The following ANKRD11 variants were observed in gnomAD, a reference collection of about 807,000 sequenced individuals.
The protein encoded by ANKRD11 is ankyrin repeat domain 11, also known as ankyrin repeat domain-containing protein 11.
Under a neutral mutation model 195.7 loss-of-function variants are expected in ANKRD11, and 17 were observed. The observed-to-expected ratio is 0.09, with a 90% CI of 0.06 to 0.13. ANKRD11 has a LOEUF of 0.13. Among genes scored for constraint, ANKRD11 ranks in the 10% least tolerant of loss-of-function variants. ANKRD11 has a pLI of 1.00. For missense variants in ANKRD11, 3,735 were observed against 3,566.1 expected (o/e 1.05, Z -1.21); for synonymous variants, 1,953 against 1,528.1 (o/e 1.28, Z -6.49).
rs146752319 is a variant in ANKRD11 at position 89,358,240 on chromosome 16, C to T, written c.-59-41162G>A. ...CTCACTCTGGCATCAGCACTGGTCC[C>T]GCATGGAGCTGTGCCGGCTTGCAGA... On this transcript the variant is annotated intron_variant, in intron 2 of 12. Coordinates refer to ENST00000301030, the MANE Select transcript of ANKRD11 (RefSeq NM_013275.6). 5.1e-3 allele frequency among the ~76,000 whole-genome samples: 776 copies of T among 152,330 alleles called. 5 individuals carry two copies. Among genetic ancestry groups the T allele is most frequent in the African/African-American group, 0.018 (751 of 41,568 alleles).
chr16:89,441,959 C>T (rs573587736), intron 1 of ANKRD11, among the ~76,000 whole-genome samples: 28 of 152,230 alleles, frequency 1.8e-4, no homozygotes, highest in African/African-American at 3.1e-4. Context: ...ACCAGACCTC[C>T]GTTCAAACAA....
chr16:89,290,983 C>G (rs191790632), intron 5 of ANKRD11, 30 bp downstream of exon 5: 6 of 1,610,072 alleles, frequency 3.7e-6, no homozygotes, highest in Non-Finnish European at 5.1e-6. Flanking sequence ...CCCTTCCCTG[C>G]GCCAGGGACC....
intron 1 of ANKRD11, among the ~76,000 whole-genome samples, chr16:89,437,997 C>T (rs2043286197): frequency 6.6e-6 from 1 of 152,166 alleles, no homozygotes; most frequent in African/African-American, 2.4e-5. Flanking sequence ...TGAATATACA[C>T]AAGTCCATTG....
In ANKRD11 at chr16:89,283,100, C is replaced by G. The variant is rs143417087; in HGVS notation, c.3442G>C (p.Gly1148Arg). The change falls in exon 9 of 13, where the codon GGC becomes CGC. Residue 1148 changes from glycine (G) to arginine (R), a missense_variant. Coordinates refer to ENST00000301030, the MANE Select transcript of ANKRD11 (RefSeq NM_013275.6). The surrounding 1 kb of genome is among the most constrained non-coding windows in gnomAD (Gnocchi z 4.3). ...CGTCCTTCCTCCTTCTCCTGGAGGC[C>G]GTCCGTCCTCGGCAAGTCGCTGGCC... ...GEASDLPRTD[G>R]LQEKEEGREA... 1 of 1,613,794 alleles carries G rather than the reference C, an allele frequency of 6.2e-7. No homozygotes were observed. The highest frequency in any genetic ancestry group is 1.3e-5 in the African/African-American group (1 of 74,892).
At chr16:89,418,433 C>G (rs761577911) in intron 1 of ANKRD11, 65 bp from the exon 2 acceptor site, 89 of 409,080 alleles carry the variant, frequency 2.2e-4, no homozygotes, top group Non-Finnish European at 4.0e-4. Flanking sequence ...TTTCATCGCT[C>G]TCGTCTCCCT....
intron 2 of ANKRD11, among the ~76,000 whole-genome samples, chr16:89,381,472 G>A (rs1217964072): frequency 6.6e-6 from 1 of 151,824 alleles, no homozygotes; most frequent in Non-Finnish European, 1.5e-5. Flanking sequence ...TTTTCACATT[G>A]TAACAGCCCC....
intron 2 of ANKRD11, among the ~76,000 whole-genome samples, chr16:89,318,452 C>T (rs2037098487): frequency 6.6e-6 from 1 of 152,264 alleles, no homozygotes; most frequent in Non-Finnish European, 1.5e-5. Flanking sequence ...GCCACAGCAG[C>T]ACCTCTGTGC....
At chr16:89,421,138 G>C (rs1023133985) in intron 1 of ANKRD11, among the ~76,000 whole-genome samples, 2 of 151,162 alleles carry the variant, frequency 1.3e-5, no homozygotes, top group Non-Finnish European at 3.0e-5. Flanking sequence ...CGAAGGGTCA[G>C]TGTGTGATGA....
At chr16:89,323,161 G>C in intron 2 of ANKRD11, 1 of 429,340 alleles carries the variant, frequency 2.3e-6, no homozygotes, top group South Asian at 1.9e-5. Flanking sequence ...CAGCGGCTGC[G>C]TCAGGAGTGG....
chr16:89,389,046 T>C (rs972674481), intron 2 of ANKRD11, among the ~76,000 whole-genome samples: 1 of 152,230 alleles, frequency 6.6e-6, no homozygotes, highest in African/African-American at 2.4e-5. Context: ...TGGAACAATT[T>C]GAGCAAAAAA....
chr16:89,476,787 C>T (rs1469350610), intron 1 of ANKRD11, among the ~76,000 whole-genome samples: 1 of 152,248 alleles, frequency 6.6e-6, no homozygotes, highest in African/African-American at 2.4e-5. Flanking sequence ...CCTCACCACA[C>T]TCTGAATCTG....
At chr16:89,462,682 G>A (rs1432358276) in intron 1 of ANKRD11, among the ~76,000 whole-genome samples, 15 of 149,742 alleles carry the variant, frequency 1.0e-4, no homozygotes, top group African/African-American at 3.2e-4. Flanking sequence ...CTGCCCGGCC[G>A]CCCATCGTCT....
chr16:89,291,119 C>A lies in ANKRD11; in HGVS notation c.291G>T (p.Leu97=), dbSNP rs769495308. 5.2e-5 allele frequency: 84 copies of A among 1,613,886 alleles called. No homozygotes were observed. Among genetic ancestry groups the A allele is most frequent in the Non-Finnish European group, 6.5e-5 (77 of 1,180,000 alleles). Residue 97 remains leucine (L), a synonymous_variant, in exon 5 of 13, where the codon CTG becomes CTT. Transcript: ENST00000301030. The surrounding 1 kb of genome is among the most constrained non-coding windows in gnomAD (Gnocchi z 5.3). ...KEPVTRKAGL[L]FGMGLSGIRA... is the part of the protein sequence containing the mutation. ...GGATTCCAGACAGCCCCATGCCAAACAGCAGCCCGGCCTTCCGGGTGACAG... is the reference window on the plus strand; with the variant it reads ...GGATTCCAGACAGCCCCATGCCAAAAAGCAGCCCGGCCTTCCGGGTGACAG...
chr16:89,282,045 C>A lies in ANKRD11; in HGVS notation c.4497G>T (p.Glu1499Asp). 1 of 1,612,088 alleles carries A rather than the reference C, an allele frequency of 6.2e-7. No homozygotes were observed. Among genetic ancestry groups the A allele is most frequent in the Non-Finnish European group, 8.5e-7 (1 of 1,179,070 alleles). The change falls in exon 9 of 13, where the codon GAG (glutamate) becomes GAT (aspartate). Residue 1499 changes from glutamate (E) to aspartate (D), a missense_variant. By Grantham distance (45) the Glu-to-Asp change is conservative. Transcript: ENST00000301030. ...RDELLRHHRD[E>D]QKPATRDKDS... is the part of the protein sequence containing the mutation. ...CCTTGTCCCTGGTGGCGGGCTTCTG[C>A]TCGTCCCTGTGATGCCGCAGGAGCT...
chr16:89,422,733 T>C (rs1010368244), intron 1 of ANKRD11, among the ~76,000 whole-genome samples: 17 of 152,210 alleles, frequency 1.1e-4, no homozygotes, highest in African/African-American at 3.6e-4. Flanking sequence ...CTGATGCTTA[T>C]TTTTGGAAAG....
At chr16:89,390,338 A>C (rs2041132257) in intron 2 of ANKRD11, among the ~76,000 whole-genome samples, 1 of 151,486 alleles carries the variant, frequency 6.6e-6, no homozygotes, top group Admixed American at 6.6e-5. Flanking sequence ...AGAGAAGATC[A>C]CTGGGGCGAA....
intron 2 of ANKRD11, among the ~76,000 whole-genome samples, chr16:89,387,678 T>TAAAAAA (rs1389751484): frequency 2.4e-5 from 1 of 41,630 alleles, no homozygotes. Context: ...ATCTCAAAAA[T>TAAAAAA]AAAAAAAGAA....
At chr16:89,403,092 G>A (rs2041767026) in intron 2 of ANKRD11, among the ~76,000 whole-genome samples, 1 of 152,184 alleles carries the variant, frequency 6.6e-6, no homozygotes, top group African/African-American at 2.4e-5. Flanking sequence ...TGTCATCACT[G>A]CACGTGGACA....
chr16:89,465,568 C>T (rs1567843631), intron 1 of ANKRD11, among the ~76,000 whole-genome samples: 1 of 152,200 alleles, frequency 6.6e-6, no homozygotes, highest in Non-Finnish European at 1.5e-5. Flanking sequence ...AACACTTGCT[C>T]CTCCAGCATT....
Sources: allele counts gnomAD v4.1 joint callset (sites outside exome capture counted in the v4.1 genomes callset), GRCh38; gene constraint gnomAD v4.1.1; non-coding constraint Gnocchi (gnomAD v3.1); transcripts MANE v1.5; gene names NCBI Gene and HGNC (gene_info 2026-07-23, HGNC 2026-07-21).